ITGBL1: variants seen among roughly 807,000 people sequenced by gnomAD.
ITGBL1 encodes integrin subunit beta like 1.
Under a neutral mutation model 68.5 loss-of-function variants are expected in ITGBL1, and 51 were observed. That is an observed-to-expected ratio of 0.74 (90% CI 0.59 to 0.94). ITGBL1 has a LOEUF of 0.94. Ranked by LOEUF, ITGBL1 falls within the 40% of genes least tolerant of loss-of-function variation. The pLI is 0.00. For missense variants in ITGBL1, 649 were observed against 647.4 expected, an observed-to-expected ratio of 1.00 and a Z score of -0.03; for synonymous variants, 209 against 227.3, an observed-to-expected ratio of 0.92 and a Z score of 0.72.
chr13:101,560,379 A>G (rs2050079617), intron 2 of ITGBL1, among the ~76,000 whole-genome samples: 1 of 152,206 alleles, frequency 6.6e-6, no homozygotes, highest in African/African-American at 2.4e-5. Context: ...TCAAATTAAA[A>G]TACCCCTATT....
At chr13:101,665,755 C>CA (rs34474904) in intron 7 of ITGBL1, among the ~76,000 whole-genome samples, 4 of 151,656 alleles carry the variant, frequency 2.6e-5, no homozygotes, top group East Asian at 1.9e-4. Flanking sequence ...CAAACCCTTA[C>CA]AAAAAAAAGT....
intron 7 of ITGBL1, among the ~76,000 whole-genome samples, chr13:101,612,937 A>T (rs2031200875): frequency 6.6e-6 from 1 of 152,118 alleles, no homozygotes; most frequent in Non-Finnish European, 1.5e-5. Context: ...CAAAACAGCC[A>T]GGCTCCAACT....
Position 101,485,533 on chromosome 13 carries a change from G to T in ITGBL1, c.316+31433G>T, listed in dbSNP as rs144000837. On this transcript the variant is annotated intron_variant, in intron 2 of 10. Coordinates refer to ENST00000376180, the MANE Select transcript of ITGBL1 (RefSeq NM_004791.3). ...GAATGGCCGTAATTAGGCCAGGTGC[G>T]GTGGTTCACGTCGGTAATCTCAGCA... Among the ~76,000 whole-genome samples the T allele has an allele frequency of 2.2e-3, 335 of 152,250 alleles. 3 individuals are homozygous for T. The highest frequency in any genetic ancestry group is 7.9e-3 in the African/African-American group (327 of 41,548).
intron 2 of ITGBL1, among the ~76,000 whole-genome samples, chr13:101,483,972 A>C (rs1440662497): frequency 6.6e-6 from 1 of 152,144 alleles, no homozygotes; most frequent in African/African-American, 2.4e-5. Flanking sequence ...AAATGGAAAA[A>C]CAGTACTTCA....
chr13:101,592,142 C>T (rs2050665784), intron 6 of ITGBL1, among the ~76,000 whole-genome samples: 1 of 152,040 alleles, frequency 6.6e-6, no homozygotes, highest in Non-Finnish European at 1.5e-5. Context: ...TTTTGCTAAA[C>T]CACACCGTTT....
At chr13:101,523,113 T>C (rs2049313603) in intron 2 of ITGBL1, among the ~76,000 whole-genome samples, 2 of 152,206 alleles carry the variant, frequency 1.3e-5, no homozygotes, top group South Asian at 2.1e-4. Flanking sequence ...TTAGCACATA[T>C]CTGTTCTATG....
intron 2 of ITGBL1, among the ~76,000 whole-genome samples, chr13:101,507,250 A>T (rs2049040951): frequency 2.0e-5 from 3 of 152,216 alleles, no homozygotes; most frequent in Admixed American, 2.0e-4. Context: ...CCATGAGGGC[A>T]GGAGGACAGC....
intron 2 of ITGBL1, among the ~76,000 whole-genome samples, chr13:101,543,369 A>T (rs952218846): frequency 2.6e-5 from 4 of 152,160 alleles, no homozygotes; most frequent in Non-Finnish European, 5.9e-5. Context: ...TTTCTTTACG[A>T]ATGTTGAATA....
rs573479660 is a variant in ITGBL1, at chr13:101,695,489, CA to C, written c.1132+2789del. ...CAGGAAACCAAAGGAAGGGCTTAAA[CA>C]GAGCTTAAACATGATCACAGTGTTT... On this transcript the variant is annotated intron_variant, in intron 8 of 10. Transcript: ENST00000376180. Among the ~76,000 whole-genome samples, 7 of 152,332 alleles carry C rather than the reference CA, an allele frequency of 4.6e-5. No homozygotes were observed. The South Asian group carries it at 1.4e-3, about 32-fold the overall frequency.
intron 2 of ITGBL1, among the ~76,000 whole-genome samples, chr13:101,463,905 CTTT>C (rs200070869): frequency 0.063 from 8,026 of 127,354 alleles, 784 homozygotes; most frequent in African/African-American, 0.21. Context: ...CATTCTAGTT[CTTT>C]TTTTTTTTTT....
At chr13:101,510,571 C>A (rs564857460) in intron 2 of ITGBL1, among the ~76,000 whole-genome samples, 2 of 152,178 alleles carry the variant, frequency 1.3e-5, no homozygotes, top group South Asian at 4.1e-4. Context: ...GAGAAATCTC[C>A]AAACTGATTT....
At chr13:101,707,129 T>G (rs2034280956) in intron 9 of ITGBL1, among the ~76,000 whole-genome samples, 1 of 152,224 alleles carries the variant, frequency 6.6e-6, no homozygotes, top group Admixed American at 6.5e-5. Flanking sequence ...GTATGCAAAG[T>G]TATTGCTGAA....
At chr13:101,530,526 C>T (rs1330202849) in intron 2 of ITGBL1, among the ~76,000 whole-genome samples, 2 of 152,132 alleles carry the variant, frequency 1.3e-5, no homozygotes, top group Admixed American at 6.5e-5. Context: ...CCAGCCCTTC[C>T]CTTTTGGTGG....
At chr13:101,494,463 C>T (rs9518421) in intron 2 of ITGBL1, among the ~76,000 whole-genome samples, 15,223 of 152,232 alleles carry the variant, frequency 0.1, 1,023 homozygotes, top group East Asian at 0.25. Context: ...CAAAGACACA[C>T]TTGTATACAA....
At chr13:101,714,264 C>A in intron 9 of ITGBL1, 174 bp from the exon 10 acceptor site, 1 of 601,224 alleles carries the variant, frequency 1.7e-6, no homozygotes, top group Non-Finnish European at 3.0e-6. Context: ...CCTGGGTGAC[C>A]TTTATGAATT....
chr13:101,509,857 C>T (rs1442256980), intron 2 of ITGBL1, among the ~76,000 whole-genome samples: 1 of 152,050 alleles, frequency 6.6e-6, no homozygotes, highest in Non-Finnish European at 1.5e-5. Context: ...TGTCAGAATT[C>T]AAATCCCCAA....
chr13:101,472,384 G>T (rs568031499), intron 2 of ITGBL1, among the ~76,000 whole-genome samples: 1 of 152,106 alleles, frequency 6.6e-6, no homozygotes, highest in African/African-American at 2.4e-5. Context: ...TCAGTAAGCT[G>T]CTTACCTATG....
intron 2 of ITGBL1, among the ~76,000 whole-genome samples, chr13:101,544,954 C>T (rs2049792141): frequency 6.6e-6 from 1 of 152,150 alleles, no homozygotes; most frequent in Non-Finnish European, 1.5e-5. Flanking sequence ...GTCTTTTATC[C>T]CTTTCTTTGA....
chr13:101,699,917 G>A (rs186125554), intron 8 of ITGBL1, among the ~76,000 whole-genome samples: 203 of 152,264 alleles, frequency 1.3e-3, no homozygotes, highest in Non-Finnish European at 2.3e-3. Flanking sequence ...TATGGGACAC[G>A]CTCCTTTGTC....
Sources: allele counts gnomAD v4.1 joint callset (sites outside exome capture counted in the v4.1 genomes callset), GRCh38; gene constraint gnomAD v4.1.1; transcripts MANE v1.5; gene names NCBI Gene and HGNC (gene_info 2026-07-23, HGNC 2026-07-21).